Variants in ZNF503 observed in about 807,000 individuals in gnomAD.
ZNF503 encodes zinc finger protein 503.
A neutral mutation model predicts 34.4 loss-of-function variants in ZNF503; 15 were observed. That is an observed-to-expected ratio of 0.44 (90% CI 0.29 to 0.67). The LOEUF (loss-of-function observed/expected upper bound fraction) is 0.67, where lower values mean the gene tolerates loss of function less well. Ranked by LOEUF, ZNF503 falls within the 30% of genes least tolerant of loss-of-function variation. The pLI, the probability that ZNF503 is intolerant of heterozygous loss-of-function variation, is 0.13. For missense variants in ZNF503, 1,007 were observed against 926.8 expected (o/e 1.09, Z -1.12); for synonymous variants, 580 against 456.8 (o/e 1.27, Z -3.44).
chr10:75,289,634 G>A, the ZNF503 span, among the ~76,000 whole-genome samples: 2 of 152,184 alleles, frequency 1.3e-5, no homozygotes, highest in South Asian at 4.2e-4. Flanking sequence ...CACCCAGGCT[G>A]GAGTGCAGTG....
At chr10:75,367,248 G>A in the ZNF503 span, among the ~76,000 whole-genome samples, 2 of 151,994 alleles carry the variant, frequency 1.3e-5, no homozygotes, top group Admixed American at 6.6e-5. Context: ...AGCCTGTGAT[G>A]AGACCTCCCT....
the ZNF503 span, among the ~76,000 whole-genome samples, chr10:75,367,457 A>T: frequency 6.6e-6 from 1 of 152,228 alleles, no homozygotes; most frequent in Non-Finnish European, 1.5e-5. Context: ...TGGCTGCTGC[A>T]GCCCTGGTCT....
chr10:75,374,456 C>A, the ZNF503 span, among the ~76,000 whole-genome samples: 1 of 152,226 alleles, frequency 6.6e-6, no homozygotes, highest in South Asian at 2.1e-4. Flanking sequence ...ACCAGATGGA[C>A]TCCCACCTGG....
At chr10:75,295,164 C>T in the ZNF503 span, among the ~76,000 whole-genome samples, 149 of 151,806 alleles carry the variant, frequency 9.8e-4, no homozygotes, top group African/African-American at 3.5e-3. The surrounding 1 kb of genome is among the most constrained non-coding windows in gnomAD (Gnocchi z 4.0). Flanking sequence ...GCCGGGCCCG[C>T]GACTCCGACT....
At chr10:75,372,142 G>C in the ZNF503 span, among the ~76,000 whole-genome samples, 6 of 152,200 alleles carry the variant, frequency 3.9e-5, no homozygotes, top group Non-Finnish European at 8.8e-5. Context: ...ATGTTGGCCA[G>C]GCTGGTCTCG....
chr10:75,330,242 C>G, the ZNF503 span, among the ~76,000 whole-genome samples: 1 of 152,100 alleles, frequency 6.6e-6, no homozygotes, highest in Admixed American at 6.6e-5. Context: ...TATTGGGCTG[C>G]TGGATTTGGC....
the ZNF503 span, among the ~76,000 whole-genome samples, chr10:75,363,481 C>T: frequency 2.0e-5 from 3 of 152,184 alleles, no homozygotes; most frequent in Non-Finnish European, 4.4e-5. Flanking sequence ...TGTTTATCCA[C>T]GTGGAAATGC....
the ZNF503 span, among the ~76,000 whole-genome samples, chr10:75,290,242 T>C: frequency 2.0e-5 from 3 of 152,236 alleles, no homozygotes; most frequent in Non-Finnish European, 4.4e-5. Flanking sequence ...CATCTATCGA[T>C]GGACAAGTGG....
At chr10:75,335,052 T>A in the ZNF503 span, among the ~76,000 whole-genome samples, 3 of 152,200 alleles carry the variant, frequency 2.0e-5, no homozygotes, top group Non-Finnish European at 1.5e-5. Flanking sequence ...GGAATCAAAC[T>A]TCCAGGATTC....
the ZNF503 span, among the ~76,000 whole-genome samples, chr10:75,340,229 T>C: frequency 1.6e-4 from 25 of 151,980 alleles, no homozygotes; most frequent in African/African-American, 4.1e-4. Flanking sequence ...CTGGGCAACA[T>C]AGTGAGACCC....
the ZNF503 span, among the ~76,000 whole-genome samples, chr10:75,350,720 T>C: frequency 6.6e-6 from 1 of 152,058 alleles, no homozygotes; most frequent in Non-Finnish European, 1.5e-5. Flanking sequence ...GCTGTTTTTT[T>C]TGTTTTTCTT....
the ZNF503 span, among the ~76,000 whole-genome samples, chr10:75,366,887 G>A: frequency 6.6e-6 from 1 of 152,108 alleles, no homozygotes; most frequent in African/African-American, 2.4e-5. Context: ...CAATGGGAGA[G>A]AGCTCCAGGT....
In ZNF503 at chr10:75,399,217, T is replaced by C; in HGVS notation, c.1473A>G (p.Thr491=). The C allele has an allele frequency of 2.5e-6, 4 of 1,593,710 alleles. No homozygotes were observed. The highest frequency in any genetic ancestry group is 3.4e-6 in the Non-Finnish European group (4 of 1,168,850). ...SLTAAAAAGA[T]PPSLAGHPLY... is the part of the protein sequence containing the mutation. ...GGGGGTGGCCGGCCAGGGAGGGCGGTGTGGCGCCAGCAGCCGCGGCGGCCG... is the reference window on the plus strand; with the variant it reads ...GGGGGTGGCCGGCCAGGGAGGGCGGCGTGGCGCCAGCAGCCGCGGCGGCCG... The change falls in exon 2 of 2, where the codon ACA becomes ACG. Residue 491 remains threonine, a synonymous_variant. Coordinates refer to ENST00000372524, the MANE Select transcript of ZNF503 (RefSeq NM_032772.6).
the ZNF503 span, among the ~76,000 whole-genome samples, chr10:75,329,438 T>TTC: frequency 1.1e-5 from 1 of 89,602 alleles, no homozygotes; most frequent in East Asian, 3.0e-4. Flanking sequence ...TTCCTTCCTT[T>TTC]CTTTCTTTCT....
At chr10:75,284,389 T>C in the ZNF503 span, among the ~76,000 whole-genome samples, 8 of 139,142 alleles carry the variant, frequency 5.7e-5, no homozygotes, top group African/African-American at 1.6e-4. Flanking sequence ...GGGGCGTTGG[T>C]GGGGAGGGTT....
chr10:75,345,074 G>A, the ZNF503 span, among the ~76,000 whole-genome samples: 1 of 152,352 alleles, frequency 6.6e-6, no homozygotes, highest in South Asian at 2.1e-4. Context: ...TTTTCTGGCA[G>A]ATAAACAATG....
Position 75,400,229 on chromosome 10 carries a change from T to G in ZNF503, c.461A>C (p.Asp154Ala). Residue 154 changes from aspartate (D) to alanine (A), a missense_variant, in exon 2 of 2, where the codon GAC becomes GCC. Coordinates refer to ENST00000372524, the MANE Select transcript of ZNF503 (RefSeq NM_032772.6). ...AGGAGGGAAGDKDTKSGPLKL... is the reference protein window; with the variant it reads ...AGGAGGGAAGAKDTKSGPLKL... ...CAGGGGGCCCGATTTGGTGTCCTTGTCGCCCGCAGCACCGCCGCCGGCACC... is the reference window on the plus strand; with the variant it reads ...CAGGGGGCCCGATTTGGTGTCCTTGGCGCCCGCAGCACCGCCGCCGGCACC... 1 of 1,609,578 alleles carries G rather than the reference T, an allele frequency of 6.2e-7. No homozygotes were observed. The highest frequency in any genetic ancestry group is 8.5e-7 in the Non-Finnish European group (1 of 1,178,748).
chr10:75,393,141 C>G (rs964471936), downstream of ZNF503, among the ~76,000 whole-genome samples: 5 of 152,222 alleles, frequency 3.3e-5, no homozygotes, highest in South Asian at 8.3e-4. Flanking sequence ...AGCCCAGATA[C>G]CCCCTGGGCT....
chr10:75,280,444 G>T, the ZNF503 span: 1 of 152,234 alleles, frequency 6.6e-6, no homozygotes, highest in African/African-American at 2.4e-5. Context: ...CCTTCATGGG[G>T]TAAGCAACTC....
Sources: allele counts gnomAD v4.1 joint callset (sites outside exome capture counted in the v4.1 genomes callset), GRCh38; gene constraint gnomAD v4.1.1; non-coding constraint Gnocchi (gnomAD v3.1); transcripts MANE v1.5; gene names NCBI Gene and HGNC (gene_info 2026-07-23, HGNC 2026-07-21).